The following CSMD1 variants were observed in gnomAD, a reference collection of about 807,000 sequenced individuals.
CSMD1 encodes the protein CUB and Sushi multiple domains 1.
In CSMD1, 213 loss-of-function variants were observed where a neutral mutation model predicts 417.5. The observed-to-expected ratio is 0.51, with a 90% CI of 0.46 to 0.57. The LOEUF is 0.57. Among genes scored for constraint, CSMD1 ranks in the 20% least tolerant of loss-of-function variants. The pLI, the probability that CSMD1 is intolerant of heterozygous loss-of-function variation, is 0.00. For missense variants in CSMD1, 6,923 were observed against 4,529.7 expected, an observed-to-expected ratio of 1.53 and a Z score of -15.17; for synonymous variants, 2,862 against 1,736.8, an observed-to-expected ratio of 1.65 and a Z score of -16.11.
chr8:3,222,841 C>T (rs919137262), intron 28 of CSMD1, among the ~76,000 whole-genome samples: 8 of 152,032 alleles, frequency 5.3e-5, no homozygotes, highest in Non-Finnish European at 1.2e-4. Context: ...ATCATAGAAA[C>T]GTAAAATTCT....
intron 3 of CSMD1, among the ~76,000 whole-genome samples, chr8:4,154,842 C>A (rs562262645): frequency 2.0e-5 from 3 of 152,162 alleles, no homozygotes; most frequent in African/African-American, 7.2e-5. Context: ...TTAGTGAAAG[C>A]TTTCTGATTT....
intron 3 of CSMD1, among the ~76,000 whole-genome samples, chr8:4,064,552 T>A (rs1055737480): frequency 6.6e-6 from 1 of 152,220 alleles, no homozygotes; most frequent in African/African-American, 2.4e-5. Context: ...TGCATCGATG[T>A]CAACACACAG....
At chr8:3,427,455 T>C (rs917797930) in intron 12 of CSMD1, among the ~76,000 whole-genome samples, 1 of 152,138 alleles carries the variant, frequency 6.6e-6, no homozygotes, top group Non-Finnish European at 1.5e-5. Flanking sequence ...CCTATATATA[T>C]ATTTTTGAAA....
intron 1 of CSMD1, among the ~76,000 whole-genome samples, chr8:4,822,537 C>T (rs749612992): frequency 5.9e-5 from 9 of 151,982 alleles, no homozygotes; most frequent in Non-Finnish European, 1.0e-4. Flanking sequence ...AGTTATCCCA[C>T]CTGTGACTTA....
At chr8:4,125,779 G>T (rs1464585460) in intron 3 of CSMD1, among the ~76,000 whole-genome samples, 1 of 152,060 alleles carries the variant, frequency 6.6e-6, no homozygotes, top group Non-Finnish European at 1.5e-5. Context: ...AACTGATAGA[G>T]CCCTTATCAA....
chr8:4,636,542 G>A (rs1022027948), intron 2 of CSMD1, among the ~76,000 whole-genome samples: 1 of 152,084 alleles, frequency 6.6e-6, no homozygotes, highest in Non-Finnish European at 1.5e-5. Flanking sequence ...CTGATTAGCT[G>A]AATTGTACTC....
chr8:4,844,498 C>G (rs1026522792), intron 1 of CSMD1, among the ~76,000 whole-genome samples: 5 of 152,154 alleles, frequency 3.3e-5, no homozygotes, highest in African/African-American at 1.2e-4. Flanking sequence ...AATCAGCACT[C>G]TTGGCCGCGT....
At chr8:3,199,236 A>G (rs1796862991) in intron 33 of CSMD1, among the ~76,000 whole-genome samples, 1 of 152,236 alleles carries the variant, frequency 6.6e-6, no homozygotes, top group Non-Finnish European at 1.5e-5. Flanking sequence ...GTATTTAGTT[A>G]GGATAAGAGA....
chr8:4,144,579 G>A (rs900207199), intron 3 of CSMD1, among the ~76,000 whole-genome samples: 1 of 150,926 alleles, frequency 6.6e-6, no homozygotes, highest in Non-Finnish European at 1.5e-5. Context: ...GGATTGCTCA[G>A]CTACTGTTAA....
chr8:3,029,715 T>C (rs546898182), intron 50 of CSMD1, among the ~76,000 whole-genome samples: 32 of 150,384 alleles, frequency 2.1e-4, no homozygotes, highest in African/African-American at 7.7e-4. Flanking sequence ...TTCAATTGCC[T>C]CACTACAGAT....
Position 4,772,308 on chromosome 8 carries a change from G to A in CSMD1, c.86-134750C>T, listed in dbSNP as rs145815753. Among the ~76,000 whole-genome samples, 475 of 152,244 alleles carry A rather than the reference G, an allele frequency of 3.1e-3. 2 individuals carry two copies. The highest frequency in any genetic ancestry group is 5.4e-3 in the Admixed American group (83 of 15,294). On this transcript the variant is annotated intron_variant, in intron 1 of 69. Transcript: ENST00000635120. ...TTTACACGTCAAATCTCTCCTTCAC[G>A]TCATCTTTACGCATCTTCTATCCTT...
chr8:3,411,159 A>C (rs889094940), intron 12 of CSMD1, among the ~76,000 whole-genome samples: 5 of 152,156 alleles, frequency 3.3e-5, no homozygotes. Flanking sequence ...ACAGACTTAA[A>C]AGATCTCTCT....
rs149790650 is a variant in CSMD1 at position 3,845,449 on chromosome 8, G to A, written c.819-91407C>T. ...ATGTATCTAAGCATATCTAACCACA[G>A]AAAAGGTACAGCTGAAAAATCAGCA... On this transcript the variant is annotated intron_variant, in intron 5 of 69. Coordinates refer to ENST00000635120, the MANE Select transcript of CSMD1 (RefSeq NM_033225.6). Among the ~76,000 whole-genome samples, 91 of 152,228 alleles carry A rather than the reference G, an allele frequency of 6.0e-4. 1 individual carries two copies. The highest frequency in any genetic ancestry group is 4.6e-3 in the South Asian group (22 of 4,818).
Position 4,030,656 on chromosome 8 carries a change from T to G in CSMD1, c.610+1249A>C, listed in dbSNP as rs747014771. On this transcript the variant is annotated intron_variant, in intron 4 of 69. Coordinates refer to ENST00000635120, the MANE Select transcript of CSMD1 (RefSeq NM_033225.6). ...CCCTGGAGGCATTTTCCCCATGGTC[T>G]TGGGGATTAACTTTTGGCTTCTTGT... Among the ~76,000 whole-genome samples, 85 of 152,328 alleles carry G rather than the reference T, an allele frequency of 5.6e-4. 2 individuals carry two copies. In the Middle Eastern group the frequency reaches 0.024, roughly 43 times the overall value.
At chr8:4,651,703 T>A (rs1803907247) in intron 1 of CSMD1, among the ~76,000 whole-genome samples, 1 of 152,214 alleles carries the variant, frequency 6.6e-6, no homozygotes, top group Non-Finnish European at 1.5e-5. Context: ...CATTATTATT[T>A]CAACATGACA....
At chr8:3,069,265 T>A (rs1813165331) in intron 49 of CSMD1, among the ~76,000 whole-genome samples, 1 of 151,796 alleles carries the variant, frequency 6.6e-6, no homozygotes, top group Non-Finnish European at 1.5e-5. Context: ...GAACACCCTG[T>A]CGCTACTAAA....
intron 1 of CSMD1, among the ~76,000 whole-genome samples, chr8:4,797,006 T>G (rs1308214504): frequency 6.6e-6 from 1 of 152,188 alleles, no homozygotes; most frequent in Non-Finnish European, 1.5e-5. Flanking sequence ...GAGGTACATC[T>G]TATTCCATAA....
chr8:4,437,943 C>G (rs76484994), intron 2 of CSMD1, among the ~76,000 whole-genome samples: 1 of 152,154 alleles, frequency 6.6e-6, no homozygotes, highest in African/African-American at 2.4e-5. Flanking sequence ...AAGTAATTCT[C>G]TAAGTGTTTT....
rs557195046 is a variant in CSMD1, at chr8:4,230,053, G to A, written c.415+189900C>T. ...TTAAACATAAGAACATCTTACGTGC[G>A]TGCGTGCACTCAGGTGTGTATACAA... On this transcript the variant is annotated intron_variant, in intron 3 of 69. Transcript: ENST00000635120. 5.3e-5 allele frequency among the ~76,000 whole-genome samples: 8 copies of A among 152,214 alleles called. No homozygotes were observed. In the East Asian group the frequency reaches 7.7e-4, roughly 15 times the overall value.
Sources: allele counts gnomAD v4.1 joint callset (sites outside exome capture counted in the v4.1 genomes callset), GRCh38; gene constraint gnomAD v4.1.1; transcripts MANE v1.5; gene names NCBI Gene and HGNC (gene_info 2026-07-23, HGNC 2026-07-21).